Variants in TOM1L2 observed in about 807,000 individuals in gnomAD.
TOM1L2 encodes the protein target of myb1 like 2 membrane trafficking protein.
Under a neutral mutation model 67.9 loss-of-function variants are expected in TOM1L2, and 31 were observed. That is an observed-to-expected ratio of 0.46 (90% CI 0.34 to 0.62). TOM1L2 has a LOEUF of 0.62. Among genes scored for constraint, TOM1L2 ranks in the 20% least tolerant of loss-of-function variants. TOM1L2 has a pLI of 0.01. For synonymous variants in TOM1L2, 256 were observed against 254.0 expected (o/e 1.01, Z -0.07); for missense variants, 606 against 663.5 (o/e 0.91, Z 0.95).
intron 1 of TOM1L2, among the ~76,000 whole-genome samples, 181 bp downstream of exon 1, chr17:17,972,080 AC>A (rs2042124590): frequency 6.6e-6 from 1 of 151,586 alleles, no homozygotes; most frequent in South Asian, 2.1e-4. Flanking sequence ...GTGAGGTGGC[AC>A]AAGCGCCCGG....
At chr17:17,876,420 T>C (rs752639009) in intron 7 of TOM1L2, among the ~76,000 whole-genome samples, 1 of 152,202 alleles carries the variant, frequency 6.6e-6, no homozygotes, top group Non-Finnish European at 1.5e-5. Flanking sequence ...ATTTGTTCCA[T>C]GTGGAGACTG....
At chr17:17,886,773 G>A (rs944555363) in intron 4 of TOM1L2, among the ~76,000 whole-genome samples, 5 of 152,206 alleles carry the variant, frequency 3.3e-5, no homozygotes, top group South Asian at 2.1e-4. Flanking sequence ...CTCTCCAGTT[G>A]GAGGATACTT....
At chr17:17,894,337 T>C (rs1355603563) in intron 3 of TOM1L2, among the ~76,000 whole-genome samples, 1 of 152,226 alleles carries the variant, frequency 6.6e-6, no homozygotes, top group Non-Finnish European at 1.5e-5. Flanking sequence ...CAAAGGATTT[T>C]CCACTCTTGA....
intron 1 of TOM1L2, among the ~76,000 whole-genome samples, chr17:17,948,086 C>A (rs2041029837): frequency 6.6e-6 from 1 of 152,162 alleles, no homozygotes; most frequent in Admixed American, 6.5e-5. Flanking sequence ...ATTGAGGAAA[C>A]TAAGGCTCAG....
At chr17:17,907,552 T>C (rs1404411396) in intron 1 of TOM1L2, 21 bp from the exon 2 acceptor site, 2 of 1,610,062 alleles carry the variant, frequency 1.2e-6, no homozygotes, top group East Asian at 2.2e-5. Context: ...AGAGAGAAAA[T>C]GGGTTTACAT....
Position 17,900,043 on chromosome 17 carries a change from C to T in TOM1L2, c.138-1369G>A, listed in dbSNP as rs565506686. Among the ~76,000 whole-genome samples, 13 of 152,092 alleles carry T rather than the reference C, an allele frequency of 8.5e-5. 1 individual carries two copies. In the South Asian group the frequency reaches 2.5e-3, roughly 29 times the overall value. On this transcript the variant is annotated intron_variant, in intron 2 of 14. Coordinates refer to ENST00000379504, the MANE Select transcript of TOM1L2 (RefSeq NM_001082968.2). ...CCTGGCCAACATGGTGAAACCCCGTCTTTACTGAAATATACAAAAATTAGC... is the reference window on the plus strand; with the variant it reads ...CCTGGCCAACATGGTGAAACCCCGTTTTTACTGAAATATACAAAAATTAGC...
chr17:17,862,648 T>C (rs914033187), intron 11 of TOM1L2, 83 bp downstream of exon 11: 11 of 1,151,798 alleles, frequency 9.6e-6, no homozygotes, highest in Admixed American at 4.0e-5. Context: ...GGTAAATAAA[T>C]GCCTTTTTGT....
chr17:17,854,809 C>T (rs1372219440), intron 12 of TOM1L2, among the ~76,000 whole-genome samples: 5 of 151,958 alleles, frequency 3.3e-5, no homozygotes, highest in Non-Finnish European at 7.4e-5. Context: ...GCTGGGATTA[C>T]AGATGTGAGC....
chr17:17,853,214 A>C (rs1031792214), intron 12 of TOM1L2, among the ~76,000 whole-genome samples: 6 of 152,248 alleles, frequency 3.9e-5, no homozygotes, highest in Admixed American at 1.3e-4. Context: ...ACTGAAGCTT[A>C]GAAAGTCAGC....
chr17:17,867,396 G>C (rs1208113603), intron 8 of TOM1L2, among the ~76,000 whole-genome samples: 2 of 152,306 alleles, frequency 1.3e-5, no homozygotes, highest in East Asian at 3.9e-4. Context: ...CATGGCCCTG[G>C]CTACGGCCTG....
chr17:17,866,156 G>A lies in TOM1L2; in HGVS notation c.1084+140C>T, dbSNP rs1366696928. 10 of 1,058,338 alleles carry A rather than the reference G, an allele frequency of 9.4e-6. No homozygotes were observed. In the East Asian group the frequency reaches 2.8e-4, roughly 30 times the overall value. 65.6% of individuals were successfully genotyped at this position (1,058,338 alleles called of 1,614,324 possible). ...AATTGAAAGTAAGGTGGTACAACTG[G>A]CTAGGACTCAGGAATACACTTTCAC... On this transcript the variant is annotated intron_variant, in intron 10 of 14. Transcript: ENST00000379504.
intron 1 of TOM1L2, among the ~76,000 whole-genome samples, chr17:17,917,825 T>C (rs2039694248): frequency 1.3e-5 from 2 of 151,844 alleles, no homozygotes; most frequent in Admixed American, 6.6e-5. Flanking sequence ...AGTGGTGGCT[T>C]ACACCTGTCA....
At chr17:17,883,838 TG>T (rs2144078276) in intron 5 of TOM1L2, among the ~76,000 whole-genome samples, 1 of 152,272 alleles carries the variant, frequency 6.6e-6, no homozygotes, top group East Asian at 1.9e-4. Context: ...TGTGCACAGG[TG>T]TGCTATCCTT....
Position 17,847,478 on chromosome 17 carries a change from T to A in TOM1L2, c.*157A>T, listed in dbSNP as rs1445448777. On this transcript the variant is annotated 3_prime_UTR_variant, in exon 15 of 15. Coordinates refer to ENST00000379504, the MANE Select transcript of TOM1L2 (RefSeq NM_001082968.2). ...GAAAAGAAGTGGCTGAAGCTGGTCC[T>A]GACTAGTGGGAGGCCTGGGAGCAGA... 6 of 972,924 alleles carry A rather than the reference T, an allele frequency of 6.2e-6. No homozygotes were observed. The East Asian group carries it at 1.6e-4, about 25-fold the overall frequency. The allele number at this position is 972,924 out of a possible 1,614,324, so 60.3% of individuals were successfully genotyped here.
chr17:17,967,070 A>G (rs1347913594), intron 1 of TOM1L2, among the ~76,000 whole-genome samples: 1 of 152,006 alleles, frequency 6.6e-6, no homozygotes, highest in Non-Finnish European at 1.5e-5. Context: ...ATAAACATCT[A>G]CCCTATTAGT....
In TOM1L2 at chr17:17,850,543, C is replaced by T. The variant is rs569507357; in HGVS notation, c.1338+350G>A. On this transcript the variant is annotated intron_variant, in intron 13 of 14. Transcript: ENST00000379504. ...AAACATGCTCCCCCAACACTCCCTC[C>T]CCCAAAAAACCAAAGCACGGCACAT... Among the ~76,000 whole-genome samples, 13 of 151,948 alleles carry T rather than the reference C, an allele frequency of 8.6e-5. No homozygotes were observed. In the East Asian group the frequency reaches 2.3e-3, roughly 27 times the overall value.
intron 1 of TOM1L2, among the ~76,000 whole-genome samples, chr17:17,934,791 C>T (rs1450550375): frequency 1.3e-5 from 2 of 152,170 alleles, no homozygotes; most frequent in African/African-American, 4.8e-5. Flanking sequence ...ATGCAGGGCA[C>T]GGTGACAAGG....
At chr17:17,890,024 T>G (rs2038194678) in intron 4 of TOM1L2, among the ~76,000 whole-genome samples, 1 of 152,138 alleles carries the variant, frequency 6.6e-6, no homozygotes, top group Admixed American at 6.5e-5. Flanking sequence ...ACCTGTCACC[T>G]CCAACCCCAT....
chr17:17,857,059 A>C (rs998199652), intron 12 of TOM1L2, among the ~76,000 whole-genome samples: 4 of 152,136 alleles, frequency 2.6e-5, no homozygotes, highest in Non-Finnish European at 5.9e-5. Flanking sequence ...GGTTCAAGCG[A>C]TTCTCCTGCT....
Sources: gnomAD v4.1 joint callset for allele counts (sites outside exome capture counted in the v4.1 genomes callset) on GRCh38, gnomAD v4.1.1 for gene constraint, MANE v1.5 for transcripts, NCBI Gene and HGNC (gene_info 2026-07-23, HGNC 2026-07-21) for gene names.